The following SND1 variants were observed in gnomAD, a reference collection of about 807,000 sequenced individuals.
The protein encoded by SND1 is staphylococcal nuclease domain-containing protein 1.
Under a neutral mutation model 121.7 loss-of-function variants are expected in SND1, and 38 were observed. The ratio of observed to expected loss-of-function variants is 0.31; its 90% CI spans 0.24 to 0.41. SND1 has a LOEUF of 0.41. SND1 is among the 10% of genes least tolerant of loss of function. SND1 has a pLI of 1.00. For missense variants in SND1, 868 were observed against 1,184.6 expected, an observed-to-expected ratio of 0.73 and a Z score of 3.92; for synonymous variants, 401 against 447.4, an observed-to-expected ratio of 0.90 and a Z score of 1.31.
intron 11 of SND1, among the ~76,000 whole-genome samples, chr7:127,815,124 G>C (rs937280129): frequency 2.0e-5 from 3 of 152,062 alleles, no homozygotes. Flanking sequence ...CATGAGTATT[G>C]CTAGCTTGGA....
intron 12 of SND1, among the ~76,000 whole-genome samples, chr7:127,873,857 G>A (rs994179946): frequency 6.6e-6 from 1 of 152,074 alleles, no homozygotes; most frequent in African/African-American, 2.4e-5. Context: ...ATAATGTACT[G>A]TTAAGATCCT....
chr7:128,020,310 C>G (rs564344533), intron 16 of SND1, among the ~76,000 whole-genome samples: 1 of 152,214 alleles, frequency 6.6e-6, no homozygotes, highest in African/African-American at 2.4e-5. Context: ...AGGATTGCAT[C>G]AAACTGCAAA....
At chr7:127,739,457 C>T (rs1238760198) in intron 10 of SND1, among the ~76,000 whole-genome samples, 1 of 152,162 alleles carries the variant, frequency 6.6e-6, no homozygotes, top group Non-Finnish European at 1.5e-5. Context: ...GCCCAGACAA[C>T]CATCATGATT....
At chr7:128,069,417 G>A (rs1793370440) in intron 16 of SND1, among the ~76,000 whole-genome samples, 1 of 152,166 alleles carries the variant, frequency 6.6e-6, no homozygotes, top group African/African-American at 2.4e-5. Context: ...TAAGGAAACA[G>A]TCTAAGAGAG....
intron 15 of SND1, among the ~76,000 whole-genome samples, chr7:127,939,321 A>AT (rs1801132504): frequency 6.6e-6 from 1 of 152,186 alleles, no homozygotes; most frequent in African/African-American, 2.4e-5. Flanking sequence ...ATACCTGAAG[A>AT]TTGGGAGTAG....
intron 10 of SND1, among the ~76,000 whole-genome samples, chr7:127,727,058 T>C (rs1418220514): frequency 6.6e-6 from 1 of 152,236 alleles, no homozygotes; most frequent in African/African-American, 2.4e-5. Flanking sequence ...TCCATCACCC[T>C]GTCTTTTAGT....
intron 2 of SND1, among the ~76,000 whole-genome samples, chr7:127,688,235 C>T (rs894399927): frequency 3.3e-5 from 5 of 152,122 alleles, no homozygotes; most frequent in Admixed American, 6.6e-5. Flanking sequence ...CCTTCCCTCA[C>T]ACCCCTCAGC....
intron 11 of SND1, among the ~76,000 whole-genome samples, chr7:127,823,359 C>A (rs1228288719): frequency 6.6e-6 from 1 of 152,098 alleles, no homozygotes; most frequent in East Asian, 1.9e-4. Context: ...GTGGGAATGG[C>A]CTTGGGAAGG....
intron 10 of SND1, among the ~76,000 whole-genome samples, chr7:127,795,920 T>G (rs1181522313): frequency 6.6e-6 from 1 of 152,028 alleles, no homozygotes; most frequent in Non-Finnish European, 1.5e-5. Context: ...TGCAGTGGCG[T>G]GATCTCGGTT....
At chr7:127,788,376 T>G (rs2116534807) in intron 10 of SND1, among the ~76,000 whole-genome samples, 1 of 152,334 alleles carries the variant, frequency 6.6e-6, no homozygotes, top group South Asian at 2.1e-4. Context: ...GATTAGAGAA[T>G]AGAATATTTA....
chr7:127,982,806 CT>C lies in SND1; in HGVS notation c.1670-8138del, dbSNP rs3840644. Among the ~76,000 whole-genome samples, 8 of 152,304 alleles carry C rather than the reference CT, an allele frequency of 5.3e-5. No individual in the cohort carries two copies. In the East Asian group the frequency reaches 1.4e-3, roughly 26 times the overall value. On this transcript the variant is annotated intron_variant, in intron 15 of 23. Coordinates refer to ENST00000354725, the MANE Select transcript of SND1 (RefSeq NM_014390.4). ...GTTTGCAACCTGAGCCATCCAAATTCTTTCTACTTTAAAGCTTATGAGCAAG... is the reference window on the plus strand; with the variant it reads ...GTTTGCAACCTGAGCCATCCAAATTCTTCTACTTTAAAGCTTATGAGCAAG...
At chr7:127,906,495 G>A (rs1240002334) in intron 14 of SND1, among the ~76,000 whole-genome samples, 1 of 152,086 alleles carries the variant, frequency 6.6e-6, no homozygotes, top group Non-Finnish European at 1.5e-5. Flanking sequence ...GCAAATTTTT[G>A]GTGGTTCCTC....
chr7:127,922,175 C>CT (rs1158535023), intron 14 of SND1, among the ~76,000 whole-genome samples: 2,885 of 56,842 alleles, frequency 0.051, 336 homozygotes, highest in Admixed American at 0.099. Context: ...TTTTTCTTTC[C>CT]TTTTTTTTTT....
intron 15 of SND1, among the ~76,000 whole-genome samples, chr7:127,946,545 G>A (rs1801334437): frequency 6.6e-6 from 1 of 152,224 alleles, no homozygotes; most frequent in South Asian, 2.1e-4. Context: ...ATATGGAGGT[G>A]AAAGGGTTAA....
chr7:127,888,795 T>C (rs1212403466), intron 13 of SND1, among the ~76,000 whole-genome samples: 1 of 152,140 alleles, frequency 6.6e-6, no homozygotes, highest in Non-Finnish European at 1.5e-5. Flanking sequence ...TTCAGAGGCC[T>C]GCCTCACTCA....
At chr7:127,928,321 G>C (rs1800889203) in intron 14 of SND1, 1 of 152,128 alleles carries the variant, frequency 6.6e-6, no homozygotes, top group Non-Finnish European at 1.5e-5. Flanking sequence ...GTATGCCCCA[G>C]GTATCATCTC....
At chr7:127,776,118 T>C (rs1797616303) in intron 10 of SND1, among the ~76,000 whole-genome samples, 1 of 152,178 alleles carries the variant, frequency 6.6e-6, no homozygotes, top group African/African-American at 2.4e-5. Context: ...TCAGTAGGCT[T>C]CATGAACATG....
chr7:127,937,916 G>A (rs79001439), intron 15 of SND1, among the ~76,000 whole-genome samples: 12,221 of 152,334 alleles, frequency 0.08, 669 homozygotes, highest in Middle Eastern at 0.16. Context: ...GAATCAGGCT[G>A]TTATTGTGGT....
At chr7:127,788,794 A>T (rs543416662) in intron 10 of SND1, among the ~76,000 whole-genome samples, 2 of 151,934 alleles carry the variant, frequency 1.3e-5, no homozygotes, top group Admixed American at 1.3e-4. Context: ...TTAGAGTTTC[A>T]CCTGCCCACT....
Sources: gnomAD v4.1 joint callset for allele counts (sites outside exome capture counted in the v4.1 genomes callset) on GRCh38, gnomAD v4.1.1 for gene constraint, MANE v1.5 for transcripts, NCBI Gene and HGNC (gene_info 2026-07-23, HGNC 2026-07-21) for gene names.